RBM12B: variants seen among roughly 807,000 people sequenced by gnomAD.
RBM12B encodes the protein RNA-binding protein 12B.
Under a neutral mutation model 34.3 loss-of-function variants are expected in RBM12B, and 10 were observed. That is an observed-to-expected ratio of 0.29 (90% confidence interval 0.18 to 0.49). The LOEUF is 0.49. RBM12B is among the 20% of genes least tolerant of loss of function. The pLI is 0.99. For synonymous variants in RBM12B, 477 were observed against 437.1 expected (o/e 1.09, Z -1.14); for missense variants, 1,139 against 1,262.7 (o/e 0.90, Z 1.48).
rs1812053577 is a variant in RBM12B at position 93,737,366 on chromosome 8, A to C, written c.-77-11T>G. The C allele has an allele frequency of 6.6e-6, 1 of 152,224 alleles. No homozygotes were observed. The highest frequency in any genetic ancestry group is 1.5e-5 in the Non-Finnish European group (1 of 68,038). The allele number at this position is 152,224 out of a possible 1,614,324, so 9.4% of individuals were successfully genotyped here. ...GTAAAAGCAACTTAACTGTGGAAAG[A>C]AAATGAAATATAATTAATCCTTGAA... is the stretch of plus-strand genomic sequence containing the variant. On this transcript the variant is annotated splice_polypyrimidine_tract_variant and intron_variant, in intron 2 of 3. Coordinates refer to ENST00000520560, the MANE Select transcript of RBM12B (RefSeq NM_001377960.1).
intron 1 of RBM12B, 55 bp from the exon 2 acceptor site, chr8:93,740,751 CAGGAGCTACGCTAGAT>C (rs1422939988): frequency 1.4e-5 from 5 of 354,560 alleles, no homozygotes; most frequent in African/African-American, 1.1e-4. Context: ...GCCCTAACGG[CAGGAGCTACGCTAGAT>C]ACTGGCGCGG....
Position 93,736,163 on chromosome 8 carries a change from ATAG to A in RBM12B, c.245_247del (p.Thr82del). 1 of 1,614,194 alleles carries A rather than the reference ATAG, an allele frequency of 6.2e-7. No homozygotes were observed. The highest frequency in any genetic ancestry group is 8.5e-7 in the Non-Finnish European group (1 of 1,180,044). On this transcript the variant is annotated inframe_deletion, in exon 4 of 4. Transcript: ENST00000520560. Reference sequence around the variant, plus strand: ...TACACGATCAGTTCTTTTCATTTCTATAGTCTTCTGCATTTCTGCCTTGCTACT... The same window carrying A: ...TACACGATCAGTTCTTTTCATTTCTATCTTCTGCATTTCTGCCTTGCTACT...
At position 93,734,854 on chromosome 8, in the gene RBM12B, G is replaced by C; in HGVS notation, c.1557C>G (p.Tyr519Ter). Residue 519 changes from tyrosine (Y) to a stop codon, truncating the protein, a stop_gained, in exon 4 of 4, where the codon TAC (tyrosine) becomes TAG (stop). Transcript: ENST00000520560. LOFTEE classifies it low-confidence loss of function (END_TRUNC). ...HLFDSKDPPI[Y>*]SVGAFENFRH... Reference sequence around the variant, plus strand: ...TAAAGTTTTCAAAAGCACCAACTGAGTATATTGGTGGGTCTTTTGAGTCAA... The same window carrying C: ...TAAAGTTTTCAAAAGCACCAACTGACTATATTGGTGGGTCTTTTGAGTCAA... 6.2e-7 allele frequency: 1 copy of C among 1,614,140 alleles called. No homozygotes were observed. Among genetic ancestry groups the C allele is most frequent in the Non-Finnish European group, 8.5e-7 (1 of 1,179,982 alleles).
intron 2 of RBM12B, 191 bp downstream of exon 2, chr8:93,740,438 C>T (rs982868155): frequency 2.2e-6 from 1 of 457,272 alleles, no homozygotes; most frequent in Non-Finnish European, 4.4e-6. Flanking sequence ...TCAAATTAAC[C>T]TGGACCGCCC....
chr8:93,728,492 C>G lies in RBM12B; in HGVS notation c.*4913G>C, dbSNP rs1811646390. 7.1e-6 allele frequency: 3 copies of G among 423,244 alleles called. No individual in the cohort carries two copies. Among genetic ancestry groups the G allele is most frequent in the Admixed American group, 8.9e-5 (2 of 22,408 alleles). The allele number at this position is 423,244 out of a possible 1,614,324, so 26.2% of individuals were successfully genotyped here. A position where few individuals can be genotyped will look rare whatever the true frequency, so the allele number is the denominator to read the frequency against. The stretch of plus-strand genomic sequence containing the variant: ...GCATACCAGTCATTTCAACATCCTA[C>G]CTAGTGTTACATGATTTTTGTGTAA... On this transcript the variant is annotated 3_prime_UTR_variant, in exon 4 of 4. Transcript: ENST00000520560.
rs1317300171 is a variant in RBM12B, at chr8:93,734,227, C to T, written c.2184G>A (p.Gln728=). The T allele has an allele frequency of 2.5e-6, 4 of 1,603,862 alleles. No homozygotes were observed. Among genetic ancestry groups the T allele is most frequent in the Non-Finnish European group, 3.4e-6 (4 of 1,174,200 alleles). ...CTGGGGGTGGCCGACGGAAATGCTC[C>T]TGAGGTGGCCTCCGGAAATGCTCCT... is the stretch of plus-strand genomic sequence containing the variant. ...SPQEHFRRPP[Q]EHFRRPPPEH... The change falls in exon 4 of 4, where the codon CAG becomes CAA. Residue 728 remains glutamine (Q), a synonymous_variant. Coordinates refer to ENST00000520560, the MANE Select transcript of RBM12B (RefSeq NM_001377960.1).
chr8:93,728,436 C>T lies in RBM12B; in HGVS notation c.*4969G>A. The T allele has an allele frequency of 7.3e-6, 4 of 547,432 alleles. No individual in the cohort carries two copies. The highest frequency in any genetic ancestry group is 9.5e-6 in the Non-Finnish European group (3 of 317,058). 33.9% of individuals were successfully genotyped at this position (547,432 alleles called of 1,614,324 possible). ...GAAAAATAATTAAAGGAAACTTATG[C>T]TGACCAAAAATGAAGGCTTTAAAAA... On this transcript the variant is annotated 3_prime_UTR_variant, in exon 4 of 4. Coordinates refer to ENST00000520560, the MANE Select transcript of RBM12B (RefSeq NM_001377960.1).
At chr8:93,740,517 C>T (rs915835982) in intron 2 of RBM12B, 112 bp downstream of exon 2, 7 of 457,150 alleles carry the variant, frequency 1.5e-5, no homozygotes, top group African/African-American at 8.0e-5. Context: ...AGAGGGTGAA[C>T]TGCCCCCAGA....
chr8:93,735,436 T>C lies in RBM12B; in HGVS notation c.975A>G (p.Arg325=), dbSNP rs538471379. 4 of 1,613,494 alleles carry C rather than the reference T, an allele frequency of 2.5e-6. No individual in the cohort carries two copies. Among genetic ancestry groups the C allele is most frequent in the Admixed American group, 3.3e-5 (2 of 60,030 alleles). ...RFLYKDENRT[R]YAFVMFKTLK... ...GAGTCTTGAACATCACAAAGGCATA[T>C]CTTGTTCTATTTTCATCTTTATATA... Residue 325 remains arginine (R), a synonymous_variant, in exon 4 of 4, where the codon AGA becomes AGG. Coordinates refer to ENST00000520560, the MANE Select transcript of RBM12B (RefSeq NM_001377960.1).
In RBM12B at chr8:93,735,771, G is replaced by A; in HGVS notation, c.640C>T (p.His214Tyr). ...CVDASGGLKC[H>Y]RSFMGSRFIE... ...AATCTTGAACCCATAAAACTTCTATGACATTTAAGACCTCCTGAAGCATCA... is the reference window on the plus strand; with the variant it reads ...AATCTTGAACCCATAAAACTTCTATAACATTTAAGACCTCCTGAAGCATCA... The change falls in exon 4 of 4, where the codon CAT becomes TAT. Residue 214 changes from histidine to tyrosine, a missense_variant. His to Tyr is a moderately conservative substitution (Grantham distance 83, BLOSUM62 2). Around this residue, in one of 3 missense-constraint regions of RBM12B, gnomAD observed 216 missense variants for 292.2 expected, o/e 0.74. Coordinates refer to ENST00000520560, the MANE Select transcript of RBM12B (RefSeq NM_001377960.1). 1 of 1,613,936 alleles carries A rather than the reference G, an allele frequency of 6.2e-7. No individual in the cohort carries two copies.
chr8:93,737,613 C>T, intron 2 of RBM12B, among the ~76,000 whole-genome samples: 1 of 151,994 alleles, frequency 6.6e-6, no homozygotes, highest in Non-Finnish European at 1.5e-5. Flanking sequence ...AACAACTGCT[C>T]TTGATTGGAA....
intron 2 of RBM12B, chr8:93,740,260 A>C (rs1812156374): frequency 2.2e-6 from 1 of 456,030 alleles, no homozygotes; most frequent in Non-Finnish European, 4.4e-6. Context: ...CACATGGCAC[A>C]GGATTTCTCC....
intron 3 of RBM12B, 37 bp from the exon 4 acceptor site, chr8:93,736,475 T>C: frequency 2.7e-6 from 4 of 1,467,540 alleles, no homozygotes; most frequent in Non-Finnish European, 3.6e-6. Flanking sequence ...GCAAGTCTTA[T>C]TTTTGAAGTA....
Position 93,733,242 on chromosome 8 carries a change from A to T in RBM12B, c.*163T>A. The T allele has an allele frequency of 2.0e-6, 1 of 491,032 alleles. No homozygotes were observed. The highest frequency in any genetic ancestry group is 3.2e-6 in the Non-Finnish European group (1 of 308,586). 30.4% of individuals were successfully genotyped at this position (491,032 alleles called of 1,614,324 possible). On this transcript the variant is annotated 3_prime_UTR_variant, in exon 4 of 4. Transcript: ENST00000520560. ...AAAAGAATGGCAATTTGCAAGCAAA[A>T]GAAAACCAGATTCACATTCTACTAT... is the stretch of plus-strand genomic sequence containing the variant.
rs1299373831 is a variant in RBM12B at position 93,734,078 on chromosome 8, T to G, written c.2333A>C (p.His778Pro). ...PEHFRRPPPEHFRRPPQEHFR... is the reference protein window; with the variant it reads ...PEHFRRPPPEPFRRPPQEHFR... The stretch of plus-strand genomic sequence containing the variant: ...ATGCTCCTGGGGCGGTCTCCGGAAG[T>G]GCTCCGGGGGCGGGCGCCTGAAATG... The change falls in exon 4 of 4, where the codon CAC (histidine) becomes CCC (proline). Residue 778 changes from histidine to proline, a missense_variant. Around this residue, in one of 3 missense-constraint regions of RBM12B, gnomAD observed 863 missense variants for 869.5 expected, o/e 0.99. Transcript: ENST00000520560. 1.9e-5 allele frequency: 30 copies of G among 1,571,196 alleles called. 1 individual carries two copies. The highest frequency in any genetic ancestry group is 2.3e-5 in the South Asian group (2 of 85,888).
At chr8:93,738,033 A>C (rs954999898) in intron 2 of RBM12B, among the ~76,000 whole-genome samples, 1 of 152,196 alleles carries the variant, frequency 6.6e-6, no homozygotes, top group Admixed American at 6.5e-5. Flanking sequence ...CCTATGGGCT[A>C]TTGTTTGGAT....
chr8:93,740,566 C>T (rs544898134), intron 2 of RBM12B, 63 bp downstream of exon 2: 1 of 455,292 alleles, frequency 2.2e-6, no homozygotes, highest in Non-Finnish European at 4.4e-6. Flanking sequence ...GCCTAACGAG[C>T]TGGGCCTGCA....
intron 2 of RBM12B, among the ~76,000 whole-genome samples, chr8:93,738,118 G>C (rs962491864): frequency 6.6e-6 from 1 of 152,080 alleles, no homozygotes; most frequent in Non-Finnish European, 1.5e-5. Context: ...GTATAATTAA[G>C]GCAAATACTA....
intron 2 of RBM12B, 64 bp downstream of exon 2, chr8:93,740,565 G>C (rs932465618): frequency 2.2e-6 from 1 of 455,210 alleles, no homozygotes; most frequent in Non-Finnish European, 4.4e-6. Flanking sequence ...AGCCTAACGA[G>C]CTGGGCCTGC....
Sources: gnomAD v4.1 joint callset for allele counts (sites outside exome capture counted in the v4.1 genomes callset) on GRCh38, gnomAD v4.1.1 for gene constraint, gnomAD v4.1.1 regional missense constraint, MANE v1.5 for transcripts, NCBI Gene and HGNC (gene_info 2026-07-23, HGNC 2026-07-21) for gene names.